The following FRMD8 variants were observed in gnomAD, a reference collection of about 807,000 sequenced individuals.
FRMD8 encodes the protein FERM domain containing 8, also known as FERM domain-containing protein 8.
Under a neutral mutation model 54.2 loss-of-function variants are expected in FRMD8, and 37 were observed. The observed-to-expected ratio is 0.68, with a 90% CI of 0.53 to 0.90. FRMD8 has a LOEUF of 0.90. Among genes scored for constraint, FRMD8 ranks in the 40% least tolerant of loss-of-function variants. FRMD8 has a pLI of 0.00. For synonymous variants in FRMD8, 246 were observed against 286.9 expected (o/e 0.86, Z 1.44); for missense variants, 585 against 653.7 (o/e 0.89, Z 1.15).
intron 10 of FRMD8, 152 bp downstream of exon 10, chr11:65,405,220 C>T (rs751290254): frequency 7.0e-6 from 5 of 709,236 alleles, no homozygotes; most frequent in Admixed American, 2.5e-5. Context: ...AGGCCGAGCC[C>T]GGGCCTTGGC....
chr11:65,375,429 G>C, the FRMD8 span: 1 of 152,578 alleles, frequency 6.6e-6, no homozygotes, highest in Non-Finnish European at 1.5e-5. Flanking sequence ...GGAAGGGTGA[G>C]GGGACTGGGC....
the FRMD8 span, among the ~76,000 whole-genome samples, chr11:65,370,186 A>C: frequency 6.6e-6 from 1 of 151,536 alleles, no homozygotes; most frequent in Non-Finnish European, 1.5e-5. Context: ...CTGCCACTGC[A>C]CTACAGCCTG....
the FRMD8 span, among the ~76,000 whole-genome samples, chr11:65,370,525 C>A: frequency 1.3e-5 from 2 of 151,292 alleles, no homozygotes; most frequent in Middle Eastern, 3.5e-3. Flanking sequence ...GATGGTGAAA[C>A]CCCATCTCTA....
chr11:65,396,927 T>C lies in FRMD8; in HGVS notation c.710T>C (p.Val237Ala). 1 of 1,551,218 alleles carries C rather than the reference T, an allele frequency of 6.4e-7. No individual in the cohort carries two copies. ...GGCCTGCTGAACGCCTACCGCCAGGTGCAGGAGGTCAGCAGCGACGGCGGG... is the reference window on the plus strand; with the variant it reads ...GGCCTGCTGAACGCCTACCGCCAGGCGCAGGAGGTCAGCAGCGACGGCGGG... ...EQGLLNAYRQVQEVSSDGGCE... is the reference protein window; with the variant it reads ...EQGLLNAYRQAQEVSSDGGCE... The change falls in exon 7 of 11, where the codon GTG (valine) becomes GCG (alanine). Residue 237 changes from valine (V) to alanine (A), a missense_variant. Val to Ala is a moderately conservative substitution (Grantham distance 64, BLOSUM62 0). Coordinates refer to ENST00000317568, the MANE Select transcript of FRMD8 (RefSeq NM_031904.5).
upstream of FRMD8, among the ~76,000 whole-genome samples, chr11:65,385,744 TC>T (rs934099380): frequency 2.0e-5 from 3 of 151,900 alleles, no homozygotes; most frequent in African/African-American, 7.3e-5. Flanking sequence ...ATGTCACTGC[TC>T]CCTGGAAAAA....
chr11:65,386,932 C>A, intron 1 of FRMD8, 105 bp from the exon 2 acceptor site: 1 of 1,009,202 alleles, frequency 9.9e-7, no homozygotes, highest in Non-Finnish European at 1.5e-6. Context: ...CTCAACCTTG[C>A]GGACCCAGCC....
the FRMD8 span, among the ~76,000 whole-genome samples, chr11:65,374,214 G>A: frequency 6.8e-6 from 1 of 146,704 alleles, no homozygotes; most frequent in African/African-American, 2.8e-5. Flanking sequence ...GTGAAGGAGA[G>A]CTCTGATGAG....
chr11:65,394,414 C>CT lies in FRMD8; in HGVS notation c.571dup (p.Cys191LeufsTer17). 1 of 1,568,108 alleles carries CT rather than the reference C, an allele frequency of 6.4e-7. No individual in the cohort carries two copies. On this transcript the variant is annotated frameshift_variant, in exon 6 of 11. Coordinates refer to ENST00000317568, the MANE Select transcript of FRMD8 (RefSeq NM_031904.5). LOFTEE classifies it high-confidence loss of function. ...CCTACCAGCCCGGCCGGCCGGCAGC[C>CT]TGCGACCTGAGGTGAGGGCCTGTGT...
chr11:65,397,270 C>T (rs577223407), intron 7 of FRMD8, among the ~76,000 whole-genome samples: 5 of 152,334 alleles, frequency 3.3e-5, no homozygotes, highest in South Asian at 2.1e-4. Flanking sequence ...GTCACTGGCC[C>T]GGCCGACCTC....
chr11:65,405,391 G>A (rs932946473), intron 10 of FRMD8, among the ~76,000 whole-genome samples: 5 of 152,202 alleles, frequency 3.3e-5, no homozygotes, highest in African/African-American at 1.2e-4. Context: ...GGAGGCCAAG[G>A]CAGGAGGATC....
At chr11:65,384,667 G>C (rs1372621110), upstream of FRMD8, among the ~76,000 whole-genome samples, 1 of 152,218 alleles carries the variant, frequency 6.6e-6, no homozygotes, top group Non-Finnish European at 1.5e-5. Context: ...CCTGCCTGTA[G>C]CATTTCATAG....
intron 10 of FRMD8, among the ~76,000 whole-genome samples, chr11:65,405,942 T>C (rs1307856231): frequency 2.6e-5 from 4 of 152,018 alleles, no homozygotes; most frequent in Non-Finnish European, 5.9e-5. Flanking sequence ...AGTTGGAGGT[T>C]TGCAGTGAGC....
the FRMD8 span, chr11:65,380,660 C>A: frequency 8.1e-7 from 1 of 1,238,130 alleles, no homozygotes; most frequent in Non-Finnish European, 1.1e-6. Context: ...TGGGCACCTG[C>A]AGAGGAGCTT....
In FRMD8 at chr11:65,400,626, G is replaced by A. The variant is rs1856053839; in HGVS notation, c.928-98G>A. On this transcript the variant is annotated intron_variant, in intron 8 of 10. Coordinates refer to ENST00000317568, the MANE Select transcript of FRMD8 (RefSeq NM_031904.5). This position sits in a 1 kb window ranked among gnomAD's most constrained non-coding sequence, Gnocchi z 4.3. ...ATGAACAAATGTAGACTCAGCCTTG[G>A]AGAGGCACACACCCTGGCCAGGTGT... 6 of 1,236,226 alleles carry A rather than the reference G, an allele frequency of 4.9e-6. No individual in the cohort carries two copies. In the South Asian group the frequency reaches 8.1e-5, roughly 17 times the overall value. The allele number at this position is 1,236,226 out of a possible 1,614,324, so 76.6% of individuals were successfully genotyped here. A position where few individuals can be genotyped will look rare whatever the true frequency, so the allele number is the denominator to read the frequency against.
intron 10 of FRMD8, among the ~76,000 whole-genome samples, chr11:65,407,871 G>C (rs760900990): frequency 8.0e-6 from 1 of 125,496 alleles, no homozygotes; most frequent in East Asian, 2.4e-4. Context: ...GCGACAGAGC[G>C]AGACTCTGTC....
chr11:65,383,637 A>G (rs1855672316), upstream of FRMD8: 1 of 152,164 alleles, frequency 6.6e-6, no homozygotes, highest in Admixed American at 6.6e-5. Context: ...GGGCGCCTGT[A>G]GTCCCAGCTA....
chr11:65,399,302 TCTC>T (rs1305207522), intron 7 of FRMD8, among the ~76,000 whole-genome samples: 1 of 151,984 alleles, frequency 6.6e-6, no homozygotes, highest in Non-Finnish European at 1.5e-5. Flanking sequence ...CCCAGCCTCT[TCTC>T]AGTTTTGAGC....
chr11:65,378,384 C>T, the FRMD8 span: 1 of 152,212 alleles, frequency 6.6e-6, no homozygotes, highest in Non-Finnish European at 1.5e-5. Flanking sequence ...ACTGTAAACC[C>T]AGGCTCCATC....
rs112010145 is a variant in FRMD8 at position 65,408,011 on chromosome 11, C to T, written c.1276+2943C>T. Among the ~76,000 whole-genome samples the T allele has an allele frequency of 2.0e-3, 304 of 151,784 alleles. 1 individual carries two copies. Among genetic ancestry groups the T allele is most frequent in the African/African-American group, 7.1e-3 (296 of 41,426 alleles). Reference sequence around the variant, plus strand: ...CTTTTTCTTTGTACTTCTTGGAGCACGTAAATCTGTTACAATGAACATGTC... The same window carrying T: ...CTTTTTCTTTGTACTTCTTGGAGCATGTAAATCTGTTACAATGAACATGTC... On this transcript the variant is annotated intron_variant, in intron 10 of 10. Transcript: ENST00000317568.
Sources: gnomAD v4.1 joint callset for allele counts (sites outside exome capture counted in the v4.1 genomes callset) on GRCh38, gnomAD v4.1.1 for gene constraint, Gnocchi (gnomAD v3.1) non-coding constraint, MANE v1.5 for transcripts, NCBI Gene and HGNC (gene_info 2026-07-23, HGNC 2026-07-21) for gene names.